KCNIP4: variants seen among roughly 807,000 people sequenced by gnomAD.
The protein encoded by KCNIP4 is potassium voltage-gated channel interacting protein 4, also known as Kv channel-interacting protein 4.
In KCNIP4, 12 loss-of-function variants were observed where a neutral mutation model predicts 34.0. The ratio of observed to expected loss-of-function variants is 0.35; its 90% CI spans 0.23 to 0.57. KCNIP4 has a LOEUF of 0.57. Ranked by LOEUF, KCNIP4 falls within the 20% of genes least tolerant of loss-of-function variation. KCNIP4 has a pLI of 0.83. For synonymous variants in KCNIP4, 124 were observed against 102.2 expected (o/e 1.21, Z -1.29); for missense variants, 238 against 311.7 (o/e 0.76, Z 1.78).
At chr4:21,467,065 C>A (rs10004198) in intron 1 of KCNIP4, among the ~76,000 whole-genome samples, 64,162 of 142,366 alleles carry the variant, frequency 0.45, 14,227 homozygotes, top group East Asian at 0.57. Flanking sequence ...CCAAACCAAA[C>A]CAAAACAAAC....
intron 1 of KCNIP4, among the ~76,000 whole-genome samples, chr4:21,189,957 T>C (rs11947656): frequency 0.03 from 4,519 of 152,320 alleles, 102 homozygotes; most frequent in African/African-American, 0.043. Context: ...TTTAAGTCCA[T>C]CCCTTATACA....
chr4:21,199,003 T>A (rs1337606274), intron 1 of KCNIP4, among the ~76,000 whole-genome samples: 1 of 152,184 alleles, frequency 6.6e-6, no homozygotes, highest in Non-Finnish European at 1.5e-5. Context: ...TTTCTCTATG[T>A]GAGGAGTAAA....
At chr4:20,963,272 A>G (rs1734024272) in intron 1 of KCNIP4, among the ~76,000 whole-genome samples, 1 of 152,062 alleles carries the variant, frequency 6.6e-6, no homozygotes, top group African/African-American at 2.4e-5. Flanking sequence ...GGTTGCAGTG[A>G]GCCGAAATTG....
intron 1 of KCNIP4, among the ~76,000 whole-genome samples, chr4:21,768,548 C>T (rs1214377039): frequency 6.6e-6 from 1 of 152,068 alleles, no homozygotes; most frequent in Non-Finnish European, 1.5e-5. Flanking sequence ...CAAAGGATTT[C>T]TCACTGCTTG....
At chr4:21,431,931 A>G (rs188318439) in intron 1 of KCNIP4, among the ~76,000 whole-genome samples, 2 of 151,132 alleles carry the variant, frequency 1.3e-5, no homozygotes, top group East Asian at 3.9e-4. Context: ...GTCATTTAAT[A>G]AAAAGCTACT....
At chr4:21,580,325 T>C (rs1741112120) in intron 1 of KCNIP4, among the ~76,000 whole-genome samples, 1 of 152,120 alleles carries the variant, frequency 6.6e-6, no homozygotes, top group Non-Finnish European at 1.5e-5. Context: ...TGGGAACATT[T>C]AAACACAAGG....
chr4:21,011,623 A>T (rs930612328), intron 1 of KCNIP4, among the ~76,000 whole-genome samples: 1 of 152,144 alleles, frequency 6.6e-6, no homozygotes, highest in African/African-American at 2.4e-5. Context: ...TCTATTTCTT[A>T]TTTTCCAAGT....
intron 1 of KCNIP4, among the ~76,000 whole-genome samples, chr4:21,684,993 A>C (rs899615620): frequency 6.6e-6 from 1 of 152,246 alleles, no homozygotes; most frequent in Non-Finnish European, 1.5e-5. Context: ...ACATATTTGT[A>C]TAATATACAA....
chr4:21,404,471 G>A (rs1723805603), intron 1 of KCNIP4, among the ~76,000 whole-genome samples: 1 of 152,130 alleles, frequency 6.6e-6, no homozygotes, highest in Middle Eastern at 3.4e-3. Flanking sequence ...ACTGCCTTAT[G>A]ATGCCTCTGG....
At chr4:21,343,768 G>A (rs1717005924) in intron 1 of KCNIP4, among the ~76,000 whole-genome samples, 1 of 152,028 alleles carries the variant, frequency 6.6e-6, no homozygotes, top group Admixed American at 6.6e-5. Context: ...TCCGACGCAG[G>A]CTCTTTTTTG....
chr4:21,483,515 C>T (rs1021366131), intron 1 of KCNIP4, among the ~76,000 whole-genome samples: 2 of 151,946 alleles, frequency 1.3e-5, no homozygotes, highest in African/African-American at 2.4e-5. Context: ...GTGGGCCGGG[C>T]GTGGTGGTGC....
intron 1 of KCNIP4, among the ~76,000 whole-genome samples, chr4:21,026,792 T>C (rs964341042): frequency 6.6e-6 from 1 of 152,184 alleles, no homozygotes; most frequent in Admixed American, 6.5e-5. Flanking sequence ...AGGTGAAAAC[T>C]GGGTAAAGGC....
intron 1 of KCNIP4, among the ~76,000 whole-genome samples, chr4:21,507,429 T>C (rs954655381): frequency 2.0e-5 from 3 of 151,970 alleles, no homozygotes; most frequent in Non-Finnish European, 4.4e-5. Flanking sequence ...CACGACCAGC[T>C]AATTTTTAGT....
chr4:21,455,831 A>ATG (rs1476595732), intron 1 of KCNIP4, among the ~76,000 whole-genome samples: 3 of 121,724 alleles, frequency 2.5e-5, no homozygotes, highest in Non-Finnish European at 4.9e-5. Flanking sequence ...ATATATATAT[A>ATG]TATATATATA....
At chr4:21,588,823 A>C (rs1741871741) in intron 1 of KCNIP4, among the ~76,000 whole-genome samples, 1 of 151,672 alleles carries the variant, frequency 6.6e-6, no homozygotes, top group Non-Finnish European at 1.5e-5. Context: ...TTTGTATATC[A>C]TAGTATTTGT....
chr4:21,112,582 T>C (rs1749314377), intron 1 of KCNIP4, among the ~76,000 whole-genome samples: 1 of 152,194 alleles, frequency 6.6e-6, no homozygotes, highest in African/African-American at 2.4e-5. Flanking sequence ...AAGTAGAGTG[T>C]CAATGCTGTG....
intron 1 of KCNIP4, among the ~76,000 whole-genome samples, chr4:21,003,505 G>A (rs1318886808): frequency 1.3e-5 from 2 of 152,156 alleles, no homozygotes; most frequent in African/African-American, 4.8e-5. Context: ...CTGATTTATT[G>A]ACAACTCTGA....
intron 2 of KCNIP4, among the ~76,000 whole-genome samples, chr4:20,874,283 T>C (rs1360097980): frequency 6.6e-6 from 1 of 152,188 alleles, no homozygotes; most frequent in Non-Finnish European, 1.5e-5. Flanking sequence ...CCCAGAGTTA[T>C]CACGTTCAAC....
chr4:21,015,727 C>A (rs1356165623), intron 1 of KCNIP4, among the ~76,000 whole-genome samples: 1 of 129,168 alleles, frequency 7.7e-6, no homozygotes, highest in Non-Finnish European at 1.6e-5. Flanking sequence ...ATTTTTATTT[C>A]TAGATATATA....
Sources: gnomAD v4.1 joint callset for allele counts (sites outside exome capture counted in the v4.1 genomes callset) on GRCh38, gnomAD v4.1.1 for gene constraint, MANE v1.5 for transcripts, NCBI Gene and HGNC (gene_info 2026-07-23, HGNC 2026-07-21) for gene names.